The following MCCC2 variants were observed in gnomAD, a reference collection of about 807,000 sequenced individuals.
MCCC2 encodes the protein methylcrotonyl-CoA carboxylase subunit 2, also known as methylcrotonoyl-CoA carboxylase beta chain, mitochondrial.
A neutral mutation model predicts 77.2 loss-of-function variants in MCCC2; 52 were observed. The ratio of observed to expected loss-of-function variants is 0.67; its 90% CI spans 0.54 to 0.85. The LOEUF (loss-of-function observed/expected upper bound fraction) is 0.85. Ranked by LOEUF, MCCC2 falls within the 40% of genes least tolerant of loss-of-function variation. MCCC2 has a pLI of 0.00. For missense variants in MCCC2, 682 were observed against 703.2 expected (o/e 0.97, Z 0.34); for synonymous variants, 253 against 248.4 (o/e 1.02, Z -0.18).
At chr5:71,594,972 C>T (rs1168765541) in intron 2 of MCCC2, among the ~76,000 whole-genome samples, 4 of 82,914 alleles carry the variant, frequency 4.8e-5, no homozygotes, top group African/African-American at 1.4e-4. Flanking sequence ...GATCTCAGTT[C>T]ACTACAACCT....
intron 1 of MCCC2, among the ~76,000 whole-genome samples, chr5:71,588,623 A>C (rs1158789588): frequency 6.6e-6 from 1 of 152,202 alleles, no homozygotes; most frequent in African/African-American, 2.4e-5. Flanking sequence ...GTACAGTGTA[A>C]GAAGGGTTGT....
intron 11 of MCCC2, chr5:71,641,284 T>G: frequency 1.7e-6 from 1 of 575,144 alleles, no homozygotes; most frequent in South Asian, 2.0e-5. Context: ...TGTTAATAGC[T>G]AGATGCTGTG....
intron 7 of MCCC2, among the ~76,000 whole-genome samples, chr5:71,627,628 G>A (rs166758): frequency 0.34 from 51,898 of 151,986 alleles, 9,970 homozygotes; most frequent in East Asian, 0.54. Context: ...GCTGTGTTTA[G>A]CATTTTGAAA....
chr5:71,643,845 G>C lies in MCCC2; in HGVS notation c.1099G>C (p.Val367Leu). Residue 367 changes from valine (V) to leucine (L), a missense_variant, in exon 12 of 17, where the codon GTA (valine) becomes CTA (leucine). Coordinates refer to ENST00000340941, the MANE Select transcript of MCCC2 (RefSeq NM_022132.5). The part of the protein sequence containing the change: ...TGFARIFGYP[V>L]GIVGNNGVLF... Reference sequence around the variant, plus strand: ...ATTTGCTCGAATATTTGGGTACCCAGTAGGTATCGTTGGAAACAACGGAGT... The same window carrying C: ...ATTTGCTCGAATATTTGGGTACCCACTAGGTATCGTTGGAAACAACGGAGT... 1.2e-6 allele frequency: 2 copies of C among 1,614,170 alleles called. No homozygotes were observed. The highest frequency in any genetic ancestry group is 1.7e-6 in the Non-Finnish European group (2 of 1,180,016).
At chr5:71,587,584 C>G in intron 1 of MCCC2, 30 bp downstream of exon 1, 1 of 1,530,000 alleles carries the variant, frequency 6.5e-7, no homozygotes, top group African/African-American at 1.4e-5. Flanking sequence ...GGCCTGGCCG[C>G]CGGTGCCAGG....
intron 16 of MCCC2, among the ~76,000 whole-genome samples, chr5:71,655,792 T>C (rs1747561549): frequency 6.6e-6 from 1 of 152,322 alleles, no homozygotes; most frequent in African/African-American, 2.4e-5. Flanking sequence ...ACATTTGAGG[T>C]TGTCAATGAG....
chr5:71,607,292 G>A (rs143146368), intron 6 of MCCC2, among the ~76,000 whole-genome samples: 49,047 of 151,788 alleles, frequency 0.32, 8,588 homozygotes, highest in East Asian at 0.52. Context: ...ACTTCTTCCT[G>A]GTTTAGTCTT....
chr5:71,596,212 T>G, intron 2 of MCCC2, 68 bp from the exon 3 acceptor site: 2 of 1,323,360 alleles, frequency 1.5e-6, no homozygotes, highest in Non-Finnish European at 2.2e-6. Flanking sequence ...TTAAGTATTA[T>G]GTTTTTCTGG....
intron 11 of MCCC2, 140 bp from the exon 12 acceptor site, chr5:71,643,678 CT>C: frequency 2.0e-6 from 3 of 1,526,680 alleles, no homozygotes; most frequent in Non-Finnish European, 2.7e-6. Context: ...GTGACATGAG[CT>C]GTTTTATACC....
chr5:71,604,916 A>AT (rs1745608800), intron 6 of MCCC2, among the ~76,000 whole-genome samples: 2 of 143,202 alleles, frequency 1.4e-5, no homozygotes, highest in Non-Finnish European at 1.5e-5. Context: ...TGAACTCATC[A>AT]TTTTTTATGG....
chr5:71,639,758 G>A (rs1747058063), intron 10 of MCCC2, among the ~76,000 whole-genome samples: 1 of 152,164 alleles, frequency 6.6e-6, no homozygotes, highest in Non-Finnish European at 1.5e-5. Flanking sequence ...TAGTTGTTAC[G>A]TGTTGATTGC....
rs1231986195 is a variant in MCCC2 at position 71,656,675 on chromosome 5, G to A, written c.1575-68G>A. 19 of 1,207,000 alleles carry A rather than the reference G, an allele frequency of 1.6e-5. No homozygotes were observed. In the East Asian group the frequency reaches 4.4e-4, roughly 28 times the overall value. The allele number at this position is 1,207,000 out of a possible 1,614,324, so 74.8% of individuals were successfully genotyped here. A position where few individuals can be genotyped will look rare whatever the true frequency, so the allele number is the denominator to read the frequency against. ...GAAGGAAAACTTCCTTGGCATTTCT[G>A]CACATGGAGAGTGTATAAATGGTAG... On this transcript the variant is annotated intron_variant, in intron 16 of 16. Transcript: ENST00000340941.
At chr5:71,591,793 C>T (rs1744994959) in intron 1 of MCCC2, among the ~76,000 whole-genome samples, 1 of 152,052 alleles carries the variant, frequency 6.6e-6, no homozygotes, top group South Asian at 2.1e-4. Flanking sequence ...TGCTCTGTCA[C>T]CCAGGCTGGA....
At chr5:71,591,752 T>C (rs1744994153) in intron 1 of MCCC2, among the ~76,000 whole-genome samples, 2 of 151,926 alleles carry the variant, frequency 1.3e-5, no homozygotes, top group South Asian at 4.2e-4. Context: ...TTGTTCTTTT[T>C]ACTAATTTAT....
At chr5:71,602,314 T>A (rs1290447357) in intron 4 of MCCC2, among the ~76,000 whole-genome samples, 192 bp from the exon 5 acceptor site, 1 of 152,216 alleles carries the variant, frequency 6.6e-6, no homozygotes, top group Non-Finnish European at 1.5e-5. Flanking sequence ...GTAATTGTTT[T>A]GTATTATATA....
At chr5:71,594,211 A>G (rs1392550159) in intron 2 of MCCC2, among the ~76,000 whole-genome samples, 1 of 152,110 alleles carries the variant, frequency 6.6e-6, no homozygotes, top group Non-Finnish European at 1.5e-5. Context: ...TGGTGAACTC[A>G]CTGTCCCCCT....
At chr5:71,640,219 T>C (rs1410411249) in intron 10 of MCCC2, among the ~76,000 whole-genome samples, 1 of 152,210 alleles carries the variant, frequency 6.6e-6, no homozygotes, top group Non-Finnish European at 1.5e-5. Flanking sequence ...ATAGCTACAC[T>C]TTAATGAGAG....
At chr5:71,610,010 GCTGT>G (rs1186450860) in intron 6 of MCCC2, among the ~76,000 whole-genome samples, 4 of 152,224 alleles carry the variant, frequency 2.6e-5, no homozygotes, top group Non-Finnish European at 5.9e-5. Flanking sequence ...AGAGGTTACT[GCTGT>G]CTTTTTGTTT....
intron 15 of MCCC2, among the ~76,000 whole-genome samples, chr5:71,651,308 A>G (rs1747430088): frequency 6.6e-6 from 1 of 152,106 alleles, no homozygotes; most frequent in Non-Finnish European, 1.5e-5. Flanking sequence ...TCCTGTGTAT[A>G]AATGAAGAAA....
Sources: gnomAD v4.1 joint callset for allele counts (sites outside exome capture counted in the v4.1 genomes callset) on GRCh38, gnomAD v4.1.1 for gene constraint, MANE v1.5 for transcripts, NCBI Gene and HGNC (gene_info 2026-07-23, HGNC 2026-07-21) for gene names.